STRN3: variants seen among roughly 807,000 people sequenced by gnomAD.
STRN3 encodes striatin 3, also known as striatin-3.
STRN3 carries 29 observed loss-of-function variants against 95.6 expected under a neutral mutation model. The observed-to-expected ratio is 0.30, with a 90% CI of 0.23 to 0.41. The LOEUF (loss-of-function observed/expected upper bound fraction) is 0.41, where lower values mean the gene tolerates loss of function less well. Among genes scored for constraint, STRN3 ranks in the 10% least tolerant of loss-of-function variants. The probability of loss-of-function intolerance (pLI) is 1.00; values close to 1 mark genes in which losing one functional copy is unlikely to be tolerated. For synonymous variants in STRN3, 331 were observed against 357.6 expected, an observed-to-expected ratio of 0.93 and a Z score of 0.84; for missense variants, 890 against 972.1, an observed-to-expected ratio of 0.92 and a Z score of 1.12.
At chr14:30,958,017 C>T (rs1437008200) in intron 1 of STRN3, among the ~76,000 whole-genome samples, 3 of 152,176 alleles carry the variant, frequency 2.0e-5, no homozygotes, top group Non-Finnish European at 4.4e-5. Flanking sequence ...TAAATAACTG[C>T]TGTCGTCAAA....
intron 1 of STRN3, among the ~76,000 whole-genome samples, chr14:30,986,344 C>T (rs1355581395): frequency 2.0e-5 from 3 of 152,112 alleles, no homozygotes; most frequent in African/African-American, 4.8e-5. Context: ...CTCGGTCAAC[C>T]GTTTAGAAAA....
chr14:30,950,780 G>T, intron 4 of STRN3, 83 bp downstream of exon 4: 3 of 1,280,778 alleles, frequency 2.3e-6, no homozygotes, highest in South Asian at 2.6e-5. Flanking sequence ...GTCCCAATAT[G>T]ATTTTTTACT....
chr14:30,917,417 C>T (rs1896767591), intron 9 of STRN3, among the ~76,000 whole-genome samples: 1 of 152,118 alleles, frequency 6.6e-6, no homozygotes, highest in African/African-American at 2.4e-5. Context: ...GTCCACATTG[C>T]TAACGTGGCT....
intron 5 of STRN3, 42 bp from the exon 6 acceptor site, chr14:30,936,666 T>C: frequency 1.3e-6 from 2 of 1,581,106 alleles, no homozygotes; most frequent in Non-Finnish European, 8.6e-7. Context: ...ATTCCAATGG[T>C]TGGTTCTAAT....
At chr14:31,015,138 C>T (rs944350554) in intron 1 of STRN3, among the ~76,000 whole-genome samples, 5 of 152,080 alleles carry the variant, frequency 3.3e-5, no homozygotes, top group African/African-American at 1.2e-4. Context: ...GCCTCACACC[C>T]ACTTTTATTT....
At position 30,936,637 on chromosome 14, in the gene STRN3, A is replaced by C. The variant is rs1274354001; in HGVS notation, c.717-13T>G. Reference sequence around the variant, plus strand: ...ATCACCAGAGGACCTGTGCGAAGGAAAAAAAGATAAATCCAACTATTCCAA... The same window carrying C: ...ATCACCAGAGGACCTGTGCGAAGGACAAAAAGATAAATCCAACTATTCCAA... On this transcript the variant is annotated splice_polypyrimidine_tract_variant and intron_variant, in intron 5 of 17. Transcript: ENST00000357479. 1.3e-6 allele frequency: 2 copies of C among 1,594,694 alleles called. No homozygotes were observed. Among genetic ancestry groups the C allele is most frequent in the African/African-American group, 2.7e-5 (2 of 73,530 alleles).
chr14:30,940,956 C>G (rs1879063198), intron 5 of STRN3, among the ~76,000 whole-genome samples: 1 of 152,022 alleles, frequency 6.6e-6, no homozygotes, highest in Non-Finnish European at 1.5e-5. Context: ...AAGAGGTGGG[C>G]CTTTGGTAAG....
At chr14:30,897,853 C>T (rs770673725) in intron 16 of STRN3, among the ~76,000 whole-genome samples, 2 of 152,182 alleles carry the variant, frequency 1.3e-5, no homozygotes, top group Non-Finnish European at 2.9e-5. Context: ...CCACTCCTCT[C>T]AAAATTCCTA....
chr14:30,933,377 T>C (rs949110223), intron 7 of STRN3, among the ~76,000 whole-genome samples: 3 of 147,344 alleles, frequency 2.0e-5, no homozygotes, highest in African/African-American at 5.0e-5. Context: ...TCCTGTTAAC[T>C]AAATAAGTAA....
intron 8 of STRN3, 86 bp downstream of exon 8, chr14:30,929,115 T>A: frequency 8.7e-7 from 1 of 1,155,578 alleles, no homozygotes; most frequent in Non-Finnish European, 1.2e-6. Context: ...AAACAAAAAA[T>A]TAAGTTACAC....
intron 1 of STRN3, among the ~76,000 whole-genome samples, chr14:31,017,652 G>A (rs1883306297): frequency 6.6e-6 from 1 of 152,188 alleles, no homozygotes; most frequent in Non-Finnish European, 1.5e-5. Flanking sequence ...ACCATGGGAA[G>A]GTATATGAAT....
At position 30,901,893 on chromosome 14, in the gene STRN3, C is replaced by T. The variant is rs769683751; in HGVS notation, c.2137+643G>A. ...TGTAAGAACATATTGGACGACCGGG[C>T]GCGGTGGCTCATGCCTGTAATCCCA... On this transcript the variant is annotated intron_variant, in intron 16 of 17. Transcript: ENST00000357479. 4.0e-5 allele frequency among the ~76,000 whole-genome samples: 6 copies of T among 151,820 alleles called. 1 individual carries two copies. Among genetic ancestry groups the T allele is most frequent in the East Asian group, 3.9e-4 (2 of 5,178 alleles).
At chr14:30,970,506 T>C (rs746617035) in intron 1 of STRN3, among the ~76,000 whole-genome samples, 6 of 152,196 alleles carry the variant, frequency 3.9e-5, no homozygotes, top group Non-Finnish European at 7.3e-5. Context: ...AGGCTATTAT[T>C]TCAAGCCCCC....
chr14:30,962,329 A>C (rs958352037), intron 1 of STRN3, among the ~76,000 whole-genome samples: 5 of 152,218 alleles, frequency 3.3e-5, no homozygotes, highest in Non-Finnish European at 7.3e-5. Context: ...AAAATTTATA[A>C]AGTAAAATGA....
Position 31,026,277 on chromosome 14 carries a change from AGGCC to A in STRN3, c.-96_-93del. 7.8e-7 allele frequency: 1 copy of A among 1,286,384 alleles called. No individual in the cohort carries two copies. The highest frequency in any genetic ancestry group is 9.9e-7 in the Non-Finnish European group (1 of 1,006,544). 79.7% of individuals were successfully genotyped at this position (1,286,384 alleles called of 1,614,324 possible). The stretch of plus-strand genomic sequence containing the variant: ...TGGCCCCGCGCTGGCTGCGGGGCGG[AGGCC>A]GGCCGGGAGAGGGGCGGGGAAGGGG... On this transcript the variant is annotated 5_prime_UTR_variant, in exon 1 of 18. Transcript: ENST00000357479.
At chr14:30,955,814 G>T in intron 2 of STRN3, 121 bp from the exon 3 acceptor site, 1 of 829,076 alleles carries the variant, frequency 1.2e-6, no homozygotes, top group Non-Finnish European at 1.8e-6. Flanking sequence ...TGTTTGCAAA[G>T]AACATTGAAG....
intron 13 of STRN3, among the ~76,000 whole-genome samples, chr14:30,910,184 T>A (rs1449896852): frequency 6.6e-6 from 1 of 152,232 alleles, no homozygotes; most frequent in Non-Finnish European, 1.5e-5. Flanking sequence ...AGATTTTGGC[T>A]TGAATGTCAC....
chr14:31,001,664 C>A (rs1442954654), intron 1 of STRN3, among the ~76,000 whole-genome samples: 1 of 152,138 alleles, frequency 6.6e-6, no homozygotes, highest in Non-Finnish European at 1.5e-5. Context: ...GAAGCGGGAC[C>A]TCAGAGACAT....
chr14:30,934,669 T>C (rs1878728253), intron 7 of STRN3, among the ~76,000 whole-genome samples: 1 of 152,184 alleles, frequency 6.6e-6, no homozygotes, highest in African/African-American at 2.4e-5. Context: ...TTGTGCTCAA[T>C]ATAGAGCTAT....
Sources: allele counts gnomAD v4.1 joint callset (sites outside exome capture counted in the v4.1 genomes callset), GRCh38; gene constraint gnomAD v4.1.1; transcripts MANE v1.5; gene names NCBI Gene and HGNC (gene_info 2026-07-23, HGNC 2026-07-21).